Variants in CSTPP1 observed in about 807,000 individuals in gnomAD.
CSTPP1 encodes UPF0705 protein C11orf49.
chr11:46,997,296 T>G, the CSTPP1 span, among the ~76,000 whole-genome samples: 3 of 152,224 alleles, frequency 2.0e-5, no homozygotes, highest in Non-Finnish European at 4.4e-5. Context: ...TTGCTTCATT[T>G]CATTCATTTG....
chr11:46,952,048 G>A, the CSTPP1 span, among the ~76,000 whole-genome samples: 102 of 152,182 alleles, frequency 6.7e-4, no homozygotes, highest in African/African-American at 2.4e-3. Flanking sequence ...CTGAGCTGGT[G>A]TTATAAAAAC....
chr11:47,065,833 AC>A, the CSTPP1 span, among the ~76,000 whole-genome samples: 1 of 151,654 alleles, frequency 6.6e-6, no homozygotes, highest in Non-Finnish European at 1.5e-5. Context: ...AACCTCCGCC[AC>A]CCGGGTTCGA....
chr11:47,014,192 AAAAG>A, the CSTPP1 span, among the ~76,000 whole-genome samples: 1 of 151,678 alleles, frequency 6.6e-6, no homozygotes, highest in Non-Finnish European at 1.5e-5. Context: ...GACCCCCATG[AAAAG>A]AAAGAGAGAA....
chr11:47,073,869 A>G, the CSTPP1 span, among the ~76,000 whole-genome samples: 1 of 152,214 alleles, frequency 6.6e-6, no homozygotes, highest in Non-Finnish European at 1.5e-5. Flanking sequence ...TGTAAAAACT[A>G]TGACTACTAT....
the CSTPP1 span, among the ~76,000 whole-genome samples, chr11:47,106,749 T>TG: frequency 6.6e-6 from 1 of 152,156 alleles, no homozygotes; most frequent in African/African-American, 2.4e-5. Flanking sequence ...TTCCACAGAA[T>TG]GGTACCCAAA....
the CSTPP1 span, among the ~76,000 whole-genome samples, chr11:47,074,109 C>T: frequency 2.6e-5 from 4 of 151,822 alleles, no homozygotes; most frequent in African/African-American, 7.3e-5. Context: ...GAGGCTCAGG[C>T]GGGAGAATCT....
chr11:47,119,095 G>C, the CSTPP1 span, among the ~76,000 whole-genome samples: 1 of 150,484 alleles, frequency 6.6e-6, no homozygotes, highest in Non-Finnish European at 1.5e-5. Flanking sequence ...GCCTTGTAGA[G>C]CTGCGGTGGG....
the CSTPP1 span, among the ~76,000 whole-genome samples, chr11:47,106,120 G>A: frequency 6.6e-6 from 1 of 152,126 alleles, no homozygotes; most frequent in Non-Finnish European, 1.5e-5. Context: ...CACACACCTT[G>A]CATGAGGTCA....
chr11:46,963,532 G>T, the CSTPP1 span, among the ~76,000 whole-genome samples: 9 of 151,854 alleles, frequency 5.9e-5, no homozygotes, highest in Non-Finnish European at 5.9e-5. Flanking sequence ...GATATTAGGG[G>T]CCGGGCGCGA....
At chr11:47,086,159 C>T in the CSTPP1 span, among the ~76,000 whole-genome samples, 33 of 139,532 alleles carry the variant, frequency 2.4e-4, no homozygotes, top group Admixed American at 2.3e-3. Context: ...GAGGTGGAGT[C>T]GGGCGGATCA....
the CSTPP1 span, among the ~76,000 whole-genome samples, chr11:47,004,042 A>G: frequency 2.0e-5 from 3 of 152,196 alleles, no homozygotes; most frequent in South Asian, 2.1e-4. Context: ...GGATTTTTGT[A>G]TCTCTGTGGA....
At chr11:46,963,190 T>A in the CSTPP1 span, among the ~76,000 whole-genome samples, 1 of 152,200 alleles carries the variant, frequency 6.6e-6, no homozygotes, top group Non-Finnish European at 1.5e-5. Flanking sequence ...ATCTTTGTGT[T>A]GTTACTGATA....
chr11:47,079,789 C>T, the CSTPP1 span, among the ~76,000 whole-genome samples: 5 of 152,038 alleles, frequency 3.3e-5, no homozygotes, highest in South Asian at 2.1e-4. Flanking sequence ...TTTATATGTT[C>T]ATCTTTCAGA....
chr11:47,056,888 C>A, the CSTPP1 span, among the ~76,000 whole-genome samples: 1 of 152,158 alleles, frequency 6.6e-6, no homozygotes, highest in Non-Finnish European at 1.5e-5. Context: ...CAGATAACTT[C>A]CTTAGAATGT....
At chr11:46,965,238 T>G in the CSTPP1 span, among the ~76,000 whole-genome samples, 7 of 149,438 alleles carry the variant, frequency 4.7e-5, no homozygotes, top group Non-Finnish European at 1.0e-4. Context: ...TTTTTATTTT[T>G]TTTTGGAGAC....
chr11:46,939,605 T>C, the CSTPP1 span, among the ~76,000 whole-genome samples: 5 of 151,180 alleles, frequency 3.3e-5, no homozygotes, highest in Non-Finnish European at 7.4e-5. Context: ...GACTGGATGA[T>C]AGAGTGAGAC....
chr11:47,122,069 C>CAA, the CSTPP1 span, among the ~76,000 whole-genome samples: 137 of 21,980 alleles, frequency 6.2e-3, 9 homozygotes, highest in African/African-American at 0.021. Context: ...GACCCTGTCT[C>CAA]AAAAAAAAAA....
At chr11:47,130,411 T>C in the CSTPP1 span, among the ~76,000 whole-genome samples, 2 of 152,220 alleles carry the variant, frequency 1.3e-5, no homozygotes, top group Non-Finnish European at 2.9e-5. Context: ...TTGCCTCTTA[T>C]TCCTTTTGTA....
the CSTPP1 span, among the ~76,000 whole-genome samples, chr11:47,115,076 T>G: frequency 6.6e-6 from 1 of 152,264 alleles, no homozygotes; most frequent in Non-Finnish European, 1.5e-5. Context: ...TTTCTGCATC[T>G]ATTGAGATAA....
Sources: gnomAD v4.1 joint callset for allele counts (sites outside exome capture counted in the v4.1 genomes callset) on GRCh38, gnomAD v4.1.1 for gene constraint, MANE v1.5 for transcripts, NCBI Gene and HGNC (gene_info 2026-07-23, HGNC 2026-07-21) for gene names.